RAB23: variants seen among roughly 807,000 people sequenced by gnomAD.
RAB23 encodes the protein ras-related protein Rab-23.
A neutral mutation model predicts 30.0 loss-of-function variants in RAB23; 15 were observed. The ratio of observed to expected loss-of-function variants is 0.50; its 90% CI spans 0.33 to 0.77. RAB23 has a LOEUF of 0.77. RAB23 is among the 30% of genes least tolerant of loss of function. The pLI is 0.02. For missense variants in RAB23, 243 were observed against 275.4 expected (o/e 0.88, Z 0.83); for synonymous variants, 93 against 94.0 (o/e 0.99, Z 0.06).
chr6:57,216,229 G>A (rs1397832148), intron 1 of RAB23, among the ~76,000 whole-genome samples: 1 of 152,164 alleles, frequency 6.6e-6, no homozygotes, highest in Non-Finnish European at 1.5e-5. Flanking sequence ...GTCTGTGTAA[G>A]TACATTTTAG....
chr6:57,218,009 G>A (rs1765912853), intron 1 of RAB23, among the ~76,000 whole-genome samples: 1 of 152,006 alleles, frequency 6.6e-6, no homozygotes, highest in South Asian at 2.1e-4. Context: ...AAGTATAAAC[G>A]ACCATAATTC....
intron 1 of RAB23, among the ~76,000 whole-genome samples, chr6:57,212,741 G>A (rs1374275681): frequency 6.6e-6 from 1 of 151,212 alleles, no homozygotes; most frequent in African/African-American, 2.4e-5. Context: ...AAAAAAATTG[G>A]CCAGGCATGG....
chr6:57,199,102 G>A (rs995750458), intron 3 of RAB23, among the ~76,000 whole-genome samples: 2 of 152,240 alleles, frequency 1.3e-5, no homozygotes, highest in African/African-American at 2.4e-5. Flanking sequence ...GAGGCCTGTG[G>A]CTGCATGCAT....
chr6:57,203,015 T>G (rs1373127277), intron 3 of RAB23, among the ~76,000 whole-genome samples: 1 of 143,192 alleles, frequency 7.0e-6, no homozygotes, highest in Non-Finnish European at 1.5e-5. Flanking sequence ...TTTTTTTTTT[T>G]TTTTTTTTTG....
At chr6:57,194,702 C>A in intron 5 of RAB23, 68 bp downstream of exon 5, 1 of 1,156,694 alleles carries the variant, frequency 8.6e-7, no homozygotes, top group Admixed American at 2.1e-5. Flanking sequence ...AATTTCTAAA[C>A]AACACAATTT....
At chr6:57,195,461 C>T (rs1018944063) in intron 4 of RAB23, among the ~76,000 whole-genome samples, 2 of 152,212 alleles carry the variant, frequency 1.3e-5, no homozygotes, top group Non-Finnish European at 2.9e-5. Flanking sequence ...CCCGCTATTT[C>T]TCTGGCTTCT....
At chr6:57,207,922 AC>A (rs1765507420) in intron 2 of RAB23, among the ~76,000 whole-genome samples, 1 of 152,170 alleles carries the variant, frequency 6.6e-6, no homozygotes, top group Non-Finnish European at 1.5e-5. Flanking sequence ...TGCATTTAAC[AC>A]CCCATTAAAC....
chr6:57,215,718 T>TTA (rs1765811632), intron 1 of RAB23, among the ~76,000 whole-genome samples: 1 of 152,028 alleles, frequency 6.6e-6, no homozygotes, highest in South Asian at 2.1e-4. Flanking sequence ...AGAAAGAACA[T>TTA]GGTAAGAGCA....
chr6:57,207,768 T>C (rs1182003748), intron 2 of RAB23, 55 bp from the exon 3 acceptor site: 13 of 1,150,076 alleles, frequency 1.1e-5, no homozygotes, highest in Middle Eastern at 2.2e-4. Context: ...TTTGGTAATA[T>C]AGCTTTGTGT....
chr6:57,193,710 C>A, intron 6 of RAB23, 132 bp downstream of exon 6: 1 of 1,268,430 alleles, frequency 7.9e-7, no homozygotes, highest in Admixed American at 2.7e-5. Context: ...TAACAAGAGA[C>A]CTGATACTTA....
rs1764764645 is a variant in RAB23 at position 57,189,810 on chromosome 6, GAAAAT to G, written c.*646_*650del. 6.5e-6 allele frequency: 1 copy of G among 152,682 alleles called. No individual in the cohort carries two copies. The highest frequency in any genetic ancestry group is 2.4e-5 in the African/African-American group (1 of 41,430). 9.5% of individuals were successfully genotyped at this position (152,682 alleles called of 1,614,324 possible). On this transcript the variant is annotated 3_prime_UTR_variant, in exon 7 of 7. Transcript: ENST00000468148. ...AATATATGTCTAGAGTTTATCATTT[GAAAAT>G]AAAAACATATACACAATATGTAAAT...
Position 57,204,930 on chromosome 6 carries a change from T to C in RAB23, c.241+2698A>G, listed in dbSNP as rs373171888. 3.3e-5 allele frequency among the ~76,000 whole-genome samples: 5 copies of C among 151,844 alleles called. No homozygotes were observed. In the East Asian group the frequency reaches 5.8e-4, roughly 18 times the overall value. Reference sequence around the variant, plus strand: ...AGAGAGCAAATACCTTTAAGTGAAATCATTTATATTTATAAATATAGATAT... The same window carrying C: ...AGAGAGCAAATACCTTTAAGTGAAACCATTTATATTTATAAATATAGATAT... On this transcript the variant is annotated intron_variant, in intron 3 of 6. Coordinates refer to ENST00000468148, the MANE Select transcript of RAB23 (RefSeq NM_016277.5).
intron 1 of RAB23, among the ~76,000 whole-genome samples, chr6:57,214,947 TG>T (rs1387579583): frequency 6.6e-6 from 1 of 152,048 alleles, no homozygotes; most frequent in Non-Finnish European, 1.5e-5. Flanking sequence ...CTTAAACGAA[TG>T]TAAAAAATAA....
At chr6:57,204,213 G>A (rs1204755022) in intron 3 of RAB23, among the ~76,000 whole-genome samples, 3 of 152,112 alleles carry the variant, frequency 2.0e-5, no homozygotes, top group Non-Finnish European at 4.4e-5. Flanking sequence ...GAAATTATGT[G>A]TTTATATGAT....
intron 3 of RAB23, among the ~76,000 whole-genome samples, chr6:57,198,024 C>T (rs547399805): frequency 1.5e-4 from 23 of 152,238 alleles, no homozygotes; most frequent in South Asian, 2.1e-4. Flanking sequence ...AATCTGCCTG[C>T]CTCAGCCTCC....
chr6:57,192,050 T>G (rs1473640070), intron 6 of RAB23, among the ~76,000 whole-genome samples: 1 of 152,020 alleles, frequency 6.6e-6, no homozygotes, highest in Non-Finnish European at 1.5e-5. Context: ...TGCTATGTTG[T>G]CTAAGTTGGT....
chr6:57,200,818 G>C (rs1485131481), intron 3 of RAB23, among the ~76,000 whole-genome samples: 1 of 152,116 alleles, frequency 6.6e-6, no homozygotes, highest in African/African-American at 2.4e-5. Flanking sequence ...AAAAAGCAGA[G>C]AGCTATATTG....
intron 2 of RAB23, among the ~76,000 whole-genome samples, chr6:57,209,180 A>G (rs962242836): frequency 7.9e-5 from 12 of 152,214 alleles, no homozygotes; most frequent in Non-Finnish European, 1.6e-4. Context: ...AAGAAAGCAG[A>G]CTTGTTTGAT....
At chr6:57,206,177 G>C (rs564665624) in intron 3 of RAB23, among the ~76,000 whole-genome samples, 4 of 152,276 alleles carry the variant, frequency 2.6e-5, no homozygotes, top group Admixed American at 6.5e-5. Context: ...AGAGAGCGCA[G>C]GTCTGGGAGT....
Sources: allele counts gnomAD v4.1 joint callset (sites outside exome capture counted in the v4.1 genomes callset), GRCh38; gene constraint gnomAD v4.1.1; transcripts MANE v1.5; gene names NCBI Gene and HGNC (gene_info 2026-07-23, HGNC 2026-07-21).